The following NCAM2 variants were observed in gnomAD, a reference collection of about 807,000 sequenced individuals.
NCAM2 encodes N-CAM-2.
In NCAM2, 30 loss-of-function variants were observed where a neutral mutation model predicts 98.1. The ratio of observed to expected loss-of-function variants is 0.31; its 90% CI spans 0.23 to 0.41. The LOEUF (loss-of-function observed/expected upper bound fraction) is 0.41. Ranked by LOEUF, NCAM2 falls within the 10% of genes least tolerant of loss-of-function variation. The pLI is 1.00. For synonymous variants in NCAM2, 368 were observed against 342.4 expected (o/e 1.07, Z -0.83); for missense variants, 867 against 1,005.8 (o/e 0.86, Z 1.87).
Position 21,335,493 on chromosome 21 carries a change from T to C in NCAM2, c.738-12T>C. The stretch of plus-strand genomic sequence containing the variant: ...CAGATCTGTGAGGATGAACCTCTTT[T>C]TTCTTCTTTAGGAATGGCAAGCTCA... On this transcript the variant is annotated splice_polypyrimidine_tract_variant and intron_variant, in intron 6 of 17. Coordinates refer to ENST00000400546, the MANE Select transcript of NCAM2 (RefSeq NM_004540.5). The C allele has an allele frequency of 6.3e-7, 1 of 1,577,640 alleles. No homozygotes were observed. The highest frequency in any genetic ancestry group is 8.6e-7 in the Non-Finnish European group (1 of 1,166,108).
intron 12 of NCAM2, among the ~76,000 whole-genome samples, chr21:21,432,538 C>T (rs369352874): frequency 4.6e-5 from 7 of 150,578 alleles, no homozygotes; most frequent in South Asian, 4.2e-4. Flanking sequence ...TAAAAAAATT[C>T]GTTGGTGGAA....
At chr21:21,451,904 T>A (rs1299939399) in intron 12 of NCAM2, among the ~76,000 whole-genome samples, 1 of 152,018 alleles carries the variant, frequency 6.6e-6, no homozygotes, top group Non-Finnish European at 1.5e-5. Context: ...CTGTCCATGG[T>A]AGTGTTGTCT....
intron 8 of NCAM2, among the ~76,000 whole-genome samples, chr21:21,347,963 C>G (rs1602059541): frequency 6.6e-6 from 1 of 151,948 alleles, no homozygotes; most frequent in Admixed American, 6.6e-5. Context: ...GAATATATGT[C>G]AAAATAATAG....
chr21:21,210,532 T>C (rs983768724), intron 1 of NCAM2: 3 of 1,285,640 alleles, frequency 2.3e-6, no homozygotes, highest in African/African-American at 3.0e-5. Flanking sequence ...GAACAATTTC[T>C]TCTTTCAGAG....
Position 21,534,566 on chromosome 21 carries a change from AGATGAGAACAGAG to A in NCAM2, c.2318_2330del (p.Arg773LysfsTer12). The A allele has an allele frequency of 6.2e-7, 1 of 1,601,624 alleles. No individual in the cohort carries two copies. The highest frequency in any genetic ancestry group is 8.5e-7 in the Non-Finnish European group (1 of 1,171,440). On this transcript the variant is annotated frameshift_variant, in exon 17 of 18. Coordinates refer to ENST00000400546, the MANE Select transcript of NCAM2 (RefSeq NM_004540.5). LOFTEE classifies it high-confidence loss of function. ...GATGGATCAAAAGAACCAATAGTGG[AGATGAGAACAGAG>A]GATGAAAGAGTTACTAATCACGAAG...
intron 1 of NCAM2, among the ~76,000 whole-genome samples, chr21:21,262,371 C>A (rs1296701108): frequency 6.6e-6 from 1 of 152,012 alleles, no homozygotes; most frequent in Non-Finnish European, 1.5e-5. Context: ...ACCAGTATTA[C>A]CCTGATACCA....
At chr21:21,470,564 G>C (rs548561079) in intron 14 of NCAM2, among the ~76,000 whole-genome samples, 1 of 151,960 alleles carries the variant, frequency 6.6e-6, no homozygotes, top group South Asian at 2.1e-4. Context: ...TACTCCTTCC[G>C]TTTTCTCGCC....
intron 1 of NCAM2, among the ~76,000 whole-genome samples, chr21:21,159,064 C>G (rs1310841432): frequency 6.6e-6 from 1 of 151,736 alleles, no homozygotes; most frequent in African/African-American, 2.4e-5. Flanking sequence ...CTCAGTAGGC[C>G]TATGCTAATG....
In NCAM2 at chr21:21,418,415, A is replaced by T. The variant is rs990285076; in HGVS notation, c.1384-58A>T. ...GAAAGTGGTAGTCATACTGGGGTTT[A>T]TTATAAAACTTCTGTGATGTTTTAG... On this transcript the variant is annotated intron_variant, in intron 10 of 17. Transcript: ENST00000400546. 101 of 1,274,158 alleles carry T rather than the reference A, an allele frequency of 7.9e-5. No homozygotes were observed. In the Admixed American group the frequency reaches 1.3e-3, roughly 17 times the overall value. The allele number at this position is 1,274,158 out of a possible 1,614,324, so 78.9% of individuals were successfully genotyped here.
chr21:21,132,332 A>G (rs1298048569), intron 1 of NCAM2, among the ~76,000 whole-genome samples: 1 of 152,042 alleles, frequency 6.6e-6, no homozygotes, highest in Non-Finnish European at 1.5e-5. Flanking sequence ...TGCCACTAGG[A>G]TAATTCAGGA....
chr21:21,480,659 G>A (rs1985795451), intron 15 of NCAM2, among the ~76,000 whole-genome samples: 1 of 152,158 alleles, frequency 6.6e-6, no homozygotes, highest in Non-Finnish European at 1.5e-5. Flanking sequence ...ATAAATAATT[G>A]TAAGCAGAAA....
At position 21,117,636 on chromosome 21, in the gene NCAM2, C is replaced by G. The variant is rs570949691; in HGVS notation, c.55+119018C>G. Among the ~76,000 whole-genome samples the G allele has an allele frequency of 1.7e-3, 257 of 152,146 alleles. 1 individual carries two copies. The highest frequency in any genetic ancestry group is 5.9e-3 in the African/African-American group (245 of 41,528). Reference sequence around the variant, plus strand: ...AGAAAATCATGCTAAGTAAAATAAGCCAATATTATTCTTTGACATTACAGA... The same window carrying G: ...AGAAAATCATGCTAAGTAAAATAAGGCAATATTATTCTTTGACATTACAGA... On this transcript the variant is annotated intron_variant, in intron 1 of 17. Coordinates refer to ENST00000400546, the MANE Select transcript of NCAM2 (RefSeq NM_004540.5).
At chr21:21,481,383 A>C (rs1985870440) in intron 15 of NCAM2, among the ~76,000 whole-genome samples, 1 of 152,226 alleles carries the variant, frequency 6.6e-6, no homozygotes, top group East Asian at 1.9e-4. Flanking sequence ...TATTTCAAGA[A>C]GAATAGATGT....
At chr21:21,090,629 CTT>C (rs1315380981) in intron 1 of NCAM2, among the ~76,000 whole-genome samples, 2 of 152,150 alleles carry the variant, frequency 1.3e-5, no homozygotes, top group Admixed American at 6.5e-5. Flanking sequence ...TCATTTAAAA[CTT>C]AAGTTGAAAC....
At chr21:21,050,766 C>T (rs370936402) in intron 1 of NCAM2, among the ~76,000 whole-genome samples, 52 of 152,244 alleles carry the variant, frequency 3.4e-4, no homozygotes, top group East Asian at 3.3e-3. Flanking sequence ...CATGCCTATA[C>T]GCCTGCGTGA....
intron 1 of NCAM2, among the ~76,000 whole-genome samples, chr21:21,241,060 T>C (rs2071046607): frequency 6.6e-6 from 1 of 152,070 alleles, no homozygotes; most frequent in Non-Finnish European, 1.5e-5. Flanking sequence ...AAGCAAACTA[T>C]ATATGGCATC....
rs180873397 is a variant in NCAM2 at position 21,324,189 on chromosome 21, A to G, written c.620-194A>G. ...GCACATGTACCCTAGAACTTAAAGT[A>G]TAATAAAAATAAAATAAAAAAGAAC... On this transcript the variant is annotated intron_variant, in intron 5 of 17. Coordinates refer to ENST00000400546, the MANE Select transcript of NCAM2 (RefSeq NM_004540.5). Among the ~76,000 whole-genome samples, 6 of 152,332 alleles carry G rather than the reference A, an allele frequency of 3.9e-5. No individual in the cohort carries two copies. The East Asian group carries it at 9.6e-4, about 24-fold the overall frequency.
intron 5 of NCAM2, among the ~76,000 whole-genome samples, chr21:21,314,093 T>C (rs956572785): frequency 2.6e-5 from 4 of 152,148 alleles, no homozygotes; most frequent in African/African-American, 9.6e-5. Flanking sequence ...GTGTGACATA[T>C]TTCTCAGATA....
chr21:21,039,746 A>C (rs1207848938), intron 1 of NCAM2, among the ~76,000 whole-genome samples: 1 of 152,196 alleles, frequency 6.6e-6, no homozygotes, highest in African/African-American at 2.4e-5. Context: ...TGCCGTAGAC[A>C]TATGCAAATC....
Sources: allele counts gnomAD v4.1 joint callset (sites outside exome capture counted in the v4.1 genomes callset), GRCh38; gene constraint gnomAD v4.1.1; transcripts MANE v1.5; gene names NCBI Gene and HGNC (gene_info 2026-07-23, HGNC 2026-07-21).